Variants in MERTK observed in about 807,000 individuals in gnomAD.
MERTK encodes tyrosine-protein kinase Mer.
Under a neutral mutation model 99.3 loss-of-function variants are expected in MERTK, and 69 were observed. The observed-to-expected ratio is 0.70, with a 90% confidence interval of 0.57 to 0.85. The LOEUF (loss-of-function observed/expected upper bound fraction) is 0.85. Among genes scored for constraint, MERTK ranks in the 40% least tolerant of loss-of-function variants. The pLI is 0.00. For synonymous variants in MERTK, 426 were observed against 467.6 expected, an observed-to-expected ratio of 0.91 and a Z score of 1.15; for missense variants, 1,125 against 1,249.4, an observed-to-expected ratio of 0.90 and a Z score of 1.50.
At position 111,946,719 on chromosome 2, in the gene MERTK, G is replaced by A. The variant is rs1046166469; in HGVS notation, c.584-675G>A. Among the ~76,000 whole-genome samples, 7 of 152,282 alleles carry A rather than the reference G, an allele frequency of 4.6e-5. No individual in the cohort carries two copies. The East Asian group carries it at 9.6e-4, about 21-fold the overall frequency. On this transcript the variant is annotated intron_variant, in intron 3 of 18. Transcript: ENST00000295408. ...ATTACATAGCTTTGTTTTACTCTGCGTTTATTTTGGTAAGAAATACTGAAA... is the reference window on the plus strand; with the variant it reads ...ATTACATAGCTTTGTTTTACTCTGCATTTATTTTGGTAAGAAATACTGAAA...
chr2:112,025,624 C>CT (rs2104427405), intron 18 of MERTK, among the ~76,000 whole-genome samples: 1 of 152,298 alleles, frequency 6.6e-6, no homozygotes, highest in Admixed American at 6.5e-5. Flanking sequence ...TGGGTAGATA[C>CT]TGGCTAGCAC....
At chr2:111,980,416 T>C (rs999948826) in intron 7 of MERTK, among the ~76,000 whole-genome samples, 13 of 143,742 alleles carry the variant, frequency 9.0e-5, no homozygotes, top group African/African-American at 2.1e-4. Flanking sequence ...CTATTTCTTT[T>C]TTTTTTTTTT....
intron 2 of MERTK, among the ~76,000 whole-genome samples, chr2:111,938,086 AT>A: frequency 6.6e-6 from 1 of 151,490 alleles, no homozygotes; most frequent in Non-Finnish European, 1.5e-5. Context: ...TTATTTATTT[AT>A]TTTTCTTGAG....
chr2:111,992,762 AAAAAG>A lies in MERTK; in HGVS notation c.1297-1485_1297-1481del, dbSNP rs1375854682. ...CAAGACTCCGTCTCAAAAAAAAAAA[AAAAAG>A]AAAGAAAAAAGAAAAAAATAATAAA... On this transcript the variant is annotated intron_variant, in intron 8 of 18. Transcript: ENST00000295408. 1.6e-3 allele frequency among the ~76,000 whole-genome samples: 229 copies of A among 142,152 alleles called. 2 individuals are homozygous for A. The highest frequency in any genetic ancestry group is 6.7e-3 in the African/African-American group (215 of 32,172). The allele number at this position is 142,152 out of a possible 152,430, so 93.3% of individuals were successfully genotyped here.
intron 1 of MERTK, among the ~76,000 whole-genome samples, chr2:111,923,106 G>T (rs570136397): frequency 1.3e-5 from 2 of 152,110 alleles, no homozygotes; most frequent in African/African-American, 4.8e-5. Context: ...ACCTCTGCAC[G>T]TCACACCCGT....
At chr2:111,915,168 C>T (rs1441178555) in intron 1 of MERTK, among the ~76,000 whole-genome samples, 1 of 152,200 alleles carries the variant, frequency 6.6e-6, no homozygotes, top group Non-Finnish European at 1.5e-5. Context: ...CTACCAAATT[C>T]ATGTGTGGTT....
intron 4 of MERTK, among the ~76,000 whole-genome samples, chr2:111,958,981 T>TTTTTTTTTTTTTGAGACGG (rs1364523380): frequency 6.6e-6 from 1 of 151,902 alleles, no homozygotes; most frequent in Non-Finnish European, 1.5e-5. Context: ...TGACTAATTT[T>TTTTTTTTTTTTTGAGACGG]AAACTGCCAA....
intron 4 of MERTK, chr2:111,952,746 T>G (rs986471978): frequency 5.3e-5 from 8 of 152,208 alleles, no homozygotes; most frequent in African/African-American, 1.7e-4. Context: ...CAGTATTTCT[T>G]TAGGAGGGAT....
intron 16 of MERTK, chr2:112,020,716 T>A: frequency 2.1e-6 from 1 of 470,866 alleles, no homozygotes; most frequent in South Asian, 1.5e-5. Flanking sequence ...CCAGTGCTGC[T>A]TCCAGACCTC....
intron 10 of MERTK, 87 bp from the exon 11 acceptor site, chr2:112,001,114 G>T: frequency 1.0e-6 from 1 of 992,046 alleles, no homozygotes; most frequent in Non-Finnish European, 1.6e-6. Flanking sequence ...ATTGAAAAGC[G>T]GAAGCTCTGT....
chr2:111,995,563 T>C (rs1212613778), intron 9 of MERTK: 2 of 188,398 alleles, frequency 1.1e-5, no homozygotes, highest in Non-Finnish European at 2.2e-5. Context: ...GGAACCATAT[T>C]ACGTTCTTGC....
chr2:111,932,998 T>C (rs1434094143), intron 2 of MERTK, among the ~76,000 whole-genome samples: 4 of 152,232 alleles, frequency 2.6e-5, no homozygotes, highest in Non-Finnish European at 5.9e-5. Context: ...ATTAGGCTGA[T>C]GCCCTTTAGA....
chr2:111,909,544 G>T (rs1482586313), intron 1 of MERTK, among the ~76,000 whole-genome samples: 1 of 152,086 alleles, frequency 6.6e-6, no homozygotes, highest in Non-Finnish European at 1.5e-5. Flanking sequence ...CCCAGCACCT[G>T]GATTCACTTA....
At chr2:111,950,068 G>A (rs1685027721) in intron 4 of MERTK, among the ~76,000 whole-genome samples, 1 of 152,102 alleles carries the variant, frequency 6.6e-6, no homozygotes, top group South Asian at 2.1e-4. Context: ...CTCCTGAGTA[G>A]CCGAATTACA....
intron 9 of MERTK, chr2:111,996,837 A>G (rs1306054978): frequency 1.1e-5 from 2 of 188,774 alleles, no homozygotes; most frequent in Admixed American, 5.4e-5. Flanking sequence ...CAGAGAAACT[A>G]TATTTTCTCT....
chr2:111,965,313 G>A, intron 5 of MERTK, 36 bp downstream of exon 5: 1 of 1,603,574 alleles, frequency 6.2e-7, no homozygotes. Flanking sequence ...TGCATGTTCT[G>A]GGAGCTGGTG....
chr2:111,982,557 T>A (rs1490197956), intron 7 of MERTK, among the ~76,000 whole-genome samples: 1 of 152,154 alleles, frequency 6.6e-6, no homozygotes, highest in Non-Finnish European at 1.5e-5. Flanking sequence ...TTTTTTAGTT[T>A]TTTGTTTTGT....
chr2:112,019,403 T>C lies in MERTK; in HGVS notation c.2080-10T>C, dbSNP rs771381323. The C allele has an allele frequency of 1.3e-6, 2 of 1,593,926 alleles. No individual in the cohort carries two copies. Among genetic ancestry groups the C allele is most frequent in the Non-Finnish European group, 1.7e-6 (2 of 1,161,600 alleles). ...AGATAGTCTTTCTTCTTGTTTCCTCTATCATCTAGCATATTCCTCTGCAGA... is the reference window on the plus strand; with the variant it reads ...AGATAGTCTTTCTTCTTGTTTCCTCCATCATCTAGCATATTCCTCTGCAGA... On this transcript the variant is annotated splice_polypyrimidine_tract_variant and intron_variant, in intron 15 of 18. Transcript: ENST00000295408.
chr2:111,949,565 C>CAA (rs1308457291), intron 4 of MERTK, among the ~76,000 whole-genome samples: 4 of 152,166 alleles, frequency 2.6e-5, no homozygotes, highest in Non-Finnish European at 5.9e-5. Context: ...GATGATCACT[C>CAA]TGAAATCCCA....
Sources: allele counts gnomAD v4.1 joint callset (sites outside exome capture counted in the v4.1 genomes callset), GRCh38; gene constraint gnomAD v4.1.1; transcripts MANE v1.5; gene names NCBI Gene and HGNC (gene_info 2026-07-23, HGNC 2026-07-21).